PTPRM: variants seen among roughly 807,000 people sequenced by gnomAD.
The protein encoded by PTPRM is receptor-type tyrosine-protein phosphatase mu.
A neutral mutation model predicts 186.7 loss-of-function variants in PTPRM; 47 were observed. The observed-to-expected ratio is 0.25, with a 90% confidence interval of 0.20 to 0.32. PTPRM has a LOEUF of 0.32. Among genes scored for constraint, PTPRM ranks in the 10% least tolerant of loss-of-function variants. The probability of loss-of-function intolerance (pLI) is 1.00; values close to 1 mark genes in which losing one functional copy is unlikely to be tolerated. For missense variants in PTPRM, 1,494 were observed against 1,865.0 expected (o/e 0.80, Z 3.66); for synonymous variants, 668 against 674.9 (o/e 0.99, Z 0.16).
intron 8 of PTPRM, among the ~76,000 whole-genome samples, chr18:8,071,779 A>G (rs1042687092): frequency 3.3e-5 from 5 of 152,074 alleles, no homozygotes; most frequent in Non-Finnish European, 7.4e-5. Flanking sequence ...AGCTCTCCTC[A>G]CATTTCAGGT....
intron 7 of PTPRM, among the ~76,000 whole-genome samples, chr18:8,036,324 G>C (rs2086326557): frequency 6.6e-6 from 1 of 152,264 alleles, no homozygotes; most frequent in Non-Finnish European, 1.5e-5. Context: ...TGCTGAGACA[G>C]AAGGCAAAGT....
chr18:8,170,912 ATACT>A (rs1406887743), intron 14 of PTPRM, among the ~76,000 whole-genome samples: 7 of 152,234 alleles, frequency 4.6e-5, no homozygotes, highest in African/African-American at 1.7e-4. Flanking sequence ...CCATTCATCC[ATACT>A]TACTTCTGCC....
intron 14 of PTPRM, among the ~76,000 whole-genome samples, chr18:8,178,100 A>G (rs1043892313): frequency 3.3e-5 from 5 of 152,158 alleles, no homozygotes; most frequent in African/African-American, 7.2e-5. Flanking sequence ...GCTGCTGATC[A>G]CCAGTTTCAG....
At chr18:8,255,372 C>A (rs1373486458) in intron 19 of PTPRM, among the ~76,000 whole-genome samples, 2 of 152,148 alleles carry the variant, frequency 1.3e-5, no homozygotes, top group Non-Finnish European at 2.9e-5. Context: ...ATGCTACAGA[C>A]AATGCATATT....
chr18:7,855,860 G>C (rs1000325477), intron 2 of PTPRM, among the ~76,000 whole-genome samples: 4 of 152,196 alleles, frequency 2.6e-5, no homozygotes, highest in Non-Finnish European at 5.9e-5. Context: ...GCATAATTCA[G>C]ATGTTTGACG....
chr18:8,198,774 A>ATAT (rs1282407424), intron 14 of PTPRM, among the ~76,000 whole-genome samples: 2 of 152,202 alleles, frequency 1.3e-5, no homozygotes, highest in African/African-American at 4.8e-5. Flanking sequence ...TATGGTGGAC[A>ATAT]TATTGCCCAG....
intron 22 of PTPRM, among the ~76,000 whole-genome samples, chr18:8,336,644 AAAG>A (rs755651903): frequency 1.2e-4 from 17 of 142,588 alleles, no homozygotes; most frequent in African/African-American, 3.2e-4. Context: ...GGAGGAGGAA[AAAG>A]AAGGAGAAGA....
At chr18:7,852,555 G>A (rs2046913537) in intron 2 of PTPRM, among the ~76,000 whole-genome samples, 1 of 152,020 alleles carries the variant, frequency 6.6e-6, no homozygotes, top group East Asian at 1.9e-4. Context: ...GGGCATAGTG[G>A]CGGGCGCCTG....
chr18:8,110,577 A>G (rs537693232), intron 11 of PTPRM, among the ~76,000 whole-genome samples: 1 of 152,158 alleles, frequency 6.6e-6, no homozygotes, highest in Non-Finnish European at 1.5e-5. Context: ...AGCTCCTTGC[A>G]GGTTGAGAGA....
At chr18:8,084,356 A>G (rs1015470878) in intron 9 of PTPRM, among the ~76,000 whole-genome samples, 7 of 152,150 alleles carry the variant, frequency 4.6e-5, no homozygotes, top group African/African-American at 1.4e-4. Flanking sequence ...TACATCGCTG[A>G]CGTCCTTCGC....
At chr18:7,959,027 A>G (rs1267863154) in intron 7 of PTPRM, among the ~76,000 whole-genome samples, 1 of 152,150 alleles carries the variant, frequency 6.6e-6, no homozygotes, top group Non-Finnish European at 1.5e-5. Context: ...GACTAGAGAA[A>G]AACTGCTAAC....
rs551589746 is a variant in PTPRM, at chr18:7,813,907, T to C, written c.196+39636T>C. ...CCTCATTTAAAAATTGTCTAAAAATTTCAGATCACCTTTAAAAAATTATTA... is the reference window on the plus strand; with the variant it reads ...CCTCATTTAAAAATTGTCTAAAAATCTCAGATCACCTTTAAAAAATTATTA... On this transcript the variant is annotated intron_variant, in intron 2 of 32. Transcript: ENST00000580170. Among the ~76,000 whole-genome samples, 34 of 152,320 alleles carry C rather than the reference T, an allele frequency of 2.2e-4. 2 individuals carry two copies. The South Asian group carries it at 6.8e-3, about 31-fold the overall frequency.
chr18:8,210,132 G>A (rs1042760570), intron 14 of PTPRM, among the ~76,000 whole-genome samples: 3 of 151,330 alleles, frequency 2.0e-5, no homozygotes, highest in African/African-American at 4.9e-5. Flanking sequence ...CCAACATGGC[G>A]AAATCCTGTC....
At chr18:8,360,584 G>A (rs1401923366) in intron 23 of PTPRM, among the ~76,000 whole-genome samples, 1 of 152,188 alleles carries the variant, frequency 6.6e-6, no homozygotes, top group African/African-American at 2.4e-5. Flanking sequence ...AGGAAGCAGA[G>A]GTGAGTTAGC....
At chr18:8,122,746 A>G (rs2092219591) in intron 13 of PTPRM, among the ~76,000 whole-genome samples, 1 of 152,210 alleles carries the variant, frequency 6.6e-6, no homozygotes, top group Non-Finnish European at 1.5e-5. Context: ...TAGTTTGCAC[A>G]TACATTTAGC....
rs559837831 is a variant in PTPRM at position 8,293,311 on chromosome 18, C to A, written c.2755-3057C>A. ...TTTAAATACAAGGGCTATTGGCAGT[C>A]CTGTGATAACCACAAATGCTGAAGA... is the stretch of plus-strand genomic sequence containing the variant. On this transcript the variant is annotated intron_variant, in intron 19 of 32. Coordinates refer to ENST00000580170, the MANE Select transcript of PTPRM (RefSeq NM_001105244.2). Among the ~76,000 whole-genome samples, 760 of 152,322 alleles carry A rather than the reference C, an allele frequency of 5.0e-3. 2 individuals are homozygous for A. Among genetic ancestry groups the A allele is most frequent in the African/African-American group, 0.018 (732 of 41,562 alleles).
In PTPRM at chr18:7,568,022, C is replaced by T; in HGVS notation, c.73+131C>T. 1.2e-6 allele frequency: 1 copy of T among 844,612 alleles called. No homozygotes were observed. The highest frequency in any genetic ancestry group is 1.6e-6 in the Non-Finnish European group (1 of 618,364). The allele number at this position is 844,612 out of a possible 1,614,324, so 52.3% of individuals were successfully genotyped here. ...CGGGCGGGGGGCGCGGCGGGCCGGA[C>T]ACCGCTTCTGCCTGTGAGCCGGGCG... On this transcript the variant is annotated intron_variant, in intron 1 of 32. Coordinates refer to ENST00000580170, the MANE Select transcript of PTPRM (RefSeq NM_001105244.2). This position sits in a 1 kb window ranked among gnomAD's most constrained non-coding sequence, Gnocchi z 5.1.
At position 7,589,876 on chromosome 18, in the gene PTPRM, A is replaced by T. The variant is rs372076544; in HGVS notation, c.73+21985A>T. ...TCCAGCTGAATTCGCACCTTATTCC[A>T]GGAAGCAGAACTTTGAGAGAACAAG... On this transcript the variant is annotated intron_variant, in intron 1 of 32. Coordinates refer to ENST00000580170, the MANE Select transcript of PTPRM (RefSeq NM_001105244.2). Among the ~76,000 whole-genome samples the T allele has an allele frequency of 2.8e-4, 43 of 152,320 alleles. No homozygotes were observed. The South Asian group carries it at 7.7e-3, about 27-fold the overall frequency.
In PTPRM at chr18:8,387,234, T is replaced by C. The variant is rs766787701; in HGVS notation, c.4207T>C (p.Leu1403=). 5.0e-6 allele frequency: 8 copies of C among 1,612,982 alleles called. No individual in the cohort carries two copies. Among genetic ancestry groups the C allele is most frequent in the Non-Finnish European group, 5.9e-6 (7 of 1,179,302 alleles). ...GGAAGGCCGCACGGTTGTGCACTGC[T>C]TGTAAGTGCTTGACAGAGCTCTTCA... The part of the protein sequence containing the change: ...GGEGRTVVHC[L]NGGGRSGTFC... The change falls in exon 31 of 33, where the codon TTG becomes CTG. Residue 1403 remains leucine (L), a splice_region_variant and synonymous_variant. Transcript: ENST00000580170.
Sources: allele counts gnomAD v4.1 joint callset (sites outside exome capture counted in the v4.1 genomes callset), GRCh38; gene constraint gnomAD v4.1.1; non-coding constraint Gnocchi (gnomAD v3.1); transcripts MANE v1.5; gene names NCBI Gene and HGNC (gene_info 2026-07-23, HGNC 2026-07-21).